GIGYF2: variants seen among roughly 807,000 people sequenced by gnomAD.
GIGYF2 encodes the protein GRB10-interacting GYF protein 2.
In GIGYF2, 25 loss-of-function variants were observed where a neutral mutation model predicts 208.1. That is an observed-to-expected ratio of 0.12 (90% CI 0.09 to 0.17). The LOEUF (loss-of-function observed/expected upper bound fraction) is 0.17. GIGYF2 is among the 10% of genes least tolerant of loss of function. The pLI, the probability that GIGYF2 is intolerant of heterozygous loss-of-function variation, is 1.00. For missense variants in GIGYF2, 1,302 were observed against 1,579.4 expected (o/e 0.82, Z 2.98); for synonymous variants, 534 against 543.8 (o/e 0.98, Z 0.25).
chr2:232,787,448 T>C, intron 9 of GIGYF2, 119 bp downstream of exon 9: 2 of 878,250 alleles, frequency 2.3e-6, no homozygotes, highest in Non-Finnish European at 3.6e-6. Flanking sequence ...ATTCATATTA[T>C]TTATGCTGTC....
rs1698133699 is a variant in GIGYF2, at chr2:232,745,912, A to C, written c.42-1703A>C. On this transcript the variant is annotated intron_variant, in intron 3 of 28. Transcript: ENST00000373563. ...CCAGTTTACATGAAATGCAAAAGAC[A>C]GAAAAATGTTTAATTATATCATGGA... is the stretch of plus-strand genomic sequence containing the variant. Among the ~76,000 whole-genome samples, 3 of 152,218 alleles carry C rather than the reference A, an allele frequency of 2.0e-5. No individual in the cohort carries two copies. In the South Asian group the frequency reaches 6.2e-4, roughly 32 times the overall value.
intron 8 of GIGYF2, among the ~76,000 whole-genome samples, chr2:232,779,929 C>G (rs979921942): frequency 8.5e-5 from 13 of 152,198 alleles, no homozygotes; most frequent in Middle Eastern, 3.4e-3. Context: ...TCACCATTTT[C>G]TTTGGTGTTA....
At chr2:232,842,361 T>A (rs1166746511) in intron 23 of GIGYF2, among the ~76,000 whole-genome samples, 3 of 152,208 alleles carry the variant, frequency 2.0e-5, no homozygotes, top group Non-Finnish European at 4.4e-5. Context: ...CTGGCCCTGT[T>A]GAGCTTTTAA....
chr2:232,701,823 A>C (rs1695859441), intron 1 of GIGYF2, among the ~76,000 whole-genome samples: 1 of 152,098 alleles, frequency 6.6e-6, no homozygotes, highest in African/African-American at 2.4e-5. Flanking sequence ...TTACCCACTG[A>C]ACTGTGTAAT....
chr2:232,792,557 G>A (rs927395495), intron 12 of GIGYF2, among the ~76,000 whole-genome samples: 5 of 152,078 alleles, frequency 3.3e-5, no homozygotes, highest in Admixed American at 2.6e-4. Flanking sequence ...GGACAACATA[G>A]CAATAGCAAG....
At position 232,791,056 on chromosome 2, in the gene GIGYF2, C is replaced by A; in HGVS notation, c.979C>A (p.Pro327Thr). The A allele has an allele frequency of 6.2e-7, 1 of 1,613,930 alleles. No homozygotes were observed. Among genetic ancestry groups the A allele is most frequent in the Non-Finnish European group, 8.5e-7 (1 of 1,179,888 alleles). ...AGAAGAGCAGGAGATGGACTTCCGG[C>A]CTGTGGACGAAGGGGAGGAGTGCTC... ...IPEEQEMDFR[P>T]VDEGEECSDS... Residue 327 changes from proline to threonine, a missense_variant, in exon 11 of 29, where the codon CCT becomes ACT. Around this residue, in one of 8 missense-constraint regions of GIGYF2, gnomAD observed 235 missense variants for 218.8 expected, o/e 1.07. Transcript: ENST00000373563.
intron 8 of GIGYF2, among the ~76,000 whole-genome samples, chr2:232,761,851 T>C (rs1241690058): frequency 6.6e-6 from 1 of 151,324 alleles, no homozygotes; most frequent in Non-Finnish European, 1.5e-5. Context: ...ATAGTCCTTT[T>C]TTTTTTTTCT....
intron 3 of GIGYF2, among the ~76,000 whole-genome samples, chr2:232,736,849 G>A (rs1363958137): frequency 6.6e-6 from 1 of 152,104 alleles, no homozygotes; most frequent in Admixed American, 6.5e-5. Flanking sequence ...GCTAATTTAA[G>A]GAAGTTGTTT....
intron 12 of GIGYF2, 75 bp from the exon 13 acceptor site, chr2:232,794,673 C>A: frequency 8.7e-7 from 1 of 1,155,072 alleles, no homozygotes. Context: ...GCAGGCTGTG[C>A]GACTTGATAA....
At chr2:232,733,062 C>G (rs904342346) in intron 2 of GIGYF2, among the ~76,000 whole-genome samples, 1 of 152,068 alleles carries the variant, frequency 6.6e-6, no homozygotes, top group Non-Finnish European at 1.5e-5. Context: ...CAAGACCATC[C>G]TGGCTAACAT....
chr2:232,844,443 A>C lies in GIGYF2; in HGVS notation c.3174A>C (p.Ala1058=), dbSNP rs374896468. Residue 1058 remains alanine (A), a synonymous_variant, in exon 25 of 29, where the codon GCA becomes GCC. Coordinates refer to ENST00000373563, the MANE Select transcript of GIGYF2 (RefSeq NM_001103146.3). Reference sequence around the variant, plus strand: ...ATACTGGTCCTCCTAACCAGTGGGCATCTGACCTAGTCAGTAGTATTTGGA... The same window carrying C: ...ATACTGGTCCTCCTAACCAGTGGGCCTCTGACCTAGTCAGTAGTATTTGGA... ...SINTGPPNQW[A]SDLVSSIWSN... 5.6e-6 allele frequency: 9 copies of C among 1,612,996 alleles called. No homozygotes were observed. The African/African-American group carries it at 1.2e-4, about 22-fold the overall frequency.
chr2:232,774,749 G>T (rs1018692317), intron 8 of GIGYF2, among the ~76,000 whole-genome samples: 1 of 152,132 alleles, frequency 6.6e-6, no homozygotes, highest in African/African-American at 2.4e-5. Context: ...CTGTCCTACT[G>T]AATGCTGCTA....
chr2:232,718,562 A>G (rs992443933), intron 2 of GIGYF2, among the ~76,000 whole-genome samples: 9 of 152,236 alleles, frequency 5.9e-5, no homozygotes, highest in East Asian at 1.9e-4. Flanking sequence ...TGGTAGAAAT[A>G]TAACTTCAGT....
intron 25 of GIGYF2, 124 bp from the exon 26 acceptor site, chr2:232,845,608 C>A: frequency 2.3e-6 from 2 of 854,124 alleles, no homozygotes; most frequent in East Asian, 2.5e-5. Context: ...TTTTTTGGAG[C>A]CAAGCATTGG....
Position 232,768,795 on chromosome 2 carries a change from A to T in GIGYF2, c.532+7359A>T, listed in dbSNP as rs564363265. 6 of 1,605,480 alleles carry T rather than the reference A, an allele frequency of 3.7e-6. No individual in the cohort carries two copies. In the Admixed American group the frequency reaches 5.1e-5, roughly 14 times the overall value. ...AAAAGCTCGATTTTTTGGCCGGGCA[A>T]TCTTCGCCACAAAAGCACCTAAATA... On this transcript the variant is annotated intron_variant, in intron 8 of 28. Coordinates refer to ENST00000373563, the MANE Select transcript of GIGYF2 (RefSeq NM_001103146.3).
chr2:232,808,097 A>G (rs767002654), intron 15 of GIGYF2, among the ~76,000 whole-genome samples: 13 of 152,192 alleles, frequency 8.5e-5, no homozygotes, highest in South Asian at 6.2e-4. Flanking sequence ...TGATTTCACA[A>G]TCCACTAATG....
At chr2:232,752,510 TTTTA>T (rs1354423551) in intron 5 of GIGYF2, among the ~76,000 whole-genome samples, 8 of 152,174 alleles carry the variant, frequency 5.3e-5, no homozygotes, top group African/African-American at 1.9e-4. Context: ...GACTGGTGTA[TTTTA>T]TTTATTTGAC....
intron 14 of GIGYF2, among the ~76,000 whole-genome samples, chr2:232,801,499 C>A (rs796983509): frequency 2.0e-5 from 3 of 152,092 alleles, no homozygotes; most frequent in Non-Finnish European, 2.9e-5. Flanking sequence ...GTAACAGAGA[C>A]CCTGTCTTAA....
At chr2:232,736,823 A>T (rs560992776) in intron 3 of GIGYF2, among the ~76,000 whole-genome samples, 52 of 152,166 alleles carry the variant, frequency 3.4e-4, no homozygotes, top group Non-Finnish European at 7.1e-4. Flanking sequence ...TTATAAAAAC[A>T]TGGTTTAAAT....
Sources: allele counts gnomAD v4.1 joint callset (sites outside exome capture counted in the v4.1 genomes callset), GRCh38; gene constraint gnomAD v4.1.1; regional missense constraint gnomAD v4.1.1; transcripts MANE v1.5; gene names NCBI Gene and HGNC (gene_info 2026-07-23, HGNC 2026-07-21).